ZDHHC21: variants seen among roughly 807,000 people sequenced by gnomAD.
The protein encoded by ZDHHC21 is palmitoyltransferase ZDHHC21.
Under a neutral mutation model 34.6 loss-of-function variants are expected in ZDHHC21, and 15 were observed. The observed-to-expected ratio is 0.43, with a 90% confidence interval of 0.29 to 0.67. The LOEUF is 0.67. Among genes scored for constraint, ZDHHC21 ranks in the 30% least tolerant of loss-of-function variants. ZDHHC21 has a pLI of 0.14. For synonymous variants in ZDHHC21, 142 were observed against 101.8 expected (o/e 1.40, Z -2.38); for missense variants, 344 against 327.7 (o/e 1.05, Z -0.38).
At chr9:14,685,476 G>C (rs1446762443) in intron 2 of ZDHHC21, among the ~76,000 whole-genome samples, 1 of 151,694 alleles carries the variant, frequency 6.6e-6, no homozygotes, top group Non-Finnish European at 1.5e-5. Context: ...CTGGCCATCA[G>C]AGAAATGCAA....
chr9:14,605,285 T>G, the ZDHHC21 span, among the ~76,000 whole-genome samples: 1 of 152,006 alleles, frequency 6.6e-6, no homozygotes, highest in African/African-American at 2.4e-5. Context: ...TTCCATACTG[T>G]TTTTCAAAAC....
At chr9:14,676,982 T>C (rs1374724715) in intron 3 of ZDHHC21, among the ~76,000 whole-genome samples, 2 of 152,012 alleles carry the variant, frequency 1.3e-5, no homozygotes, top group African/African-American at 2.4e-5. Flanking sequence ...GTAGCTTAAA[T>C]TTATTAACAT....
At chr9:14,602,534 C>T in the ZDHHC21 span, among the ~76,000 whole-genome samples, 1 of 151,514 alleles carries the variant, frequency 6.6e-6, no homozygotes, top group African/African-American at 2.4e-5. Flanking sequence ...ATGCACACAC[C>T]ATATAGTCAA....
rs1273070160 is a variant in ZDHHC21, at chr9:14,618,930, G to C, written c.*36C>G. The C allele has an allele frequency of 6.5e-7, 1 of 1,541,744 alleles. No homozygotes were observed. ...TCATAAAACCTGTAACGCATTGCCA[G>C]CATGGAGGACCCATCTGTGCCCACC... On this transcript the variant is annotated 3_prime_UTR_variant, in exon 10 of 10. Coordinates refer to ENST00000380916, the MANE Select transcript of ZDHHC21 (RefSeq NM_178566.6).
chr9:14,653,984 T>C (rs900476673), intron 7 of ZDHHC21, among the ~76,000 whole-genome samples: 7 of 152,022 alleles, frequency 4.6e-5, no homozygotes, highest in Non-Finnish European at 8.8e-5. Flanking sequence ...TCAGAGAAAG[T>C]AGACAGGCGT....
Position 14,613,272 on chromosome 9 carries a change from A to G in ZDHHC21, c.*5694T>C, listed in dbSNP as rs1823623948. 6.6e-6 allele frequency: 1 copy of G among 151,892 alleles called. No individual in the cohort carries two copies. The highest frequency in any genetic ancestry group is 2.4e-5 in the African/African-American group (1 of 41,436). 9.4% of individuals were successfully genotyped at this position (151,892 alleles called of 1,614,324 possible). On this transcript the variant is annotated 3_prime_UTR_variant, in exon 10 of 10. Coordinates refer to ENST00000380916, the MANE Select transcript of ZDHHC21 (RefSeq NM_178566.6). ...TTTATAAATACACAACGATGTGAGA[A>G]GAAAACTCAGTCAACCAAAAAGAAA...
At chr9:14,684,939 A>G (rs10961666) in intron 2 of ZDHHC21, among the ~76,000 whole-genome samples, 47,443 of 152,042 alleles carry the variant, frequency 0.31, 7,522 homozygotes, top group South Asian at 0.4. Context: ...TCTGACAAAA[A>G]CAAGCAATGG....
At chr9:14,630,909 T>C (rs1424276929) in intron 8 of ZDHHC21, among the ~76,000 whole-genome samples, 6 of 152,250 alleles carry the variant, frequency 3.9e-5, no homozygotes, top group African/African-American at 1.4e-4. Context: ...ACTTAGGCTT[T>C]GTTTTTCCAT....
In ZDHHC21 at chr9:14,619,045, C is replaced by G. The variant is rs199903674; in HGVS notation, c.719G>C (p.Arg240Pro). 3 of 1,612,258 alleles carry G rather than the reference C, an allele frequency of 1.9e-6. No homozygotes were observed. The highest frequency in any genetic ancestry group is 2.5e-6 in the Non-Finnish European group (3 of 1,179,038). ...AGGAATGAACCACAGGATCTTCCAA[C>G]GAGTGCCAAAAACTTCTGAGAAGGT... ...QQTFSEVFGTRWKILWFIPFR... is the reference protein window; with the variant it reads ...QQTFSEVFGTPWKILWFIPFR... The change falls in exon 10 of 10, where the codon CGT becomes CCT. Residue 240 changes from arginine (R) to proline (P), a missense_variant. Arg to Pro is a moderately radical substitution (Grantham distance 103). Coordinates refer to ENST00000380916, the MANE Select transcript of ZDHHC21 (RefSeq NM_178566.6).
chr9:14,623,594 C>T (rs1312447620), intron 8 of ZDHHC21, among the ~76,000 whole-genome samples: 2 of 146,348 alleles, frequency 1.4e-5, no homozygotes, highest in Non-Finnish European at 3.0e-5. Flanking sequence ...AACTATACAT[C>T]TGACAAGGGG....
chr9:14,658,496 G>T, intron 7 of ZDHHC21, among the ~76,000 whole-genome samples: 1 of 56,800 alleles, frequency 1.8e-5, no homozygotes, highest in Non-Finnish European at 3.3e-5. Flanking sequence ...TTTTTGAGAC[G>T]GAGTCTCGCT....
At chr9:14,689,946 A>G (rs1217854649) in intron 2 of ZDHHC21, among the ~76,000 whole-genome samples, 2 of 152,086 alleles carry the variant, frequency 1.3e-5, no homozygotes, top group Non-Finnish European at 2.9e-5. Flanking sequence ...AAGACCACCA[A>G]ATATTGTTTC....
At chr9:14,683,160 C>G (rs7847954) in intron 2 of ZDHHC21, among the ~76,000 whole-genome samples, 142,220 of 152,158 alleles carry the variant, frequency 0.93, 66,530 homozygotes, top group Non-Finnish European at 0.96. Flanking sequence ...TCAAAAGCTA[C>G]CAGAAGGCAA....
rs183969841 is a variant in ZDHHC21, at chr9:14,658,718, G to A, written c.504+31C>T. 3.1e-5 allele frequency: 50 copies of A among 1,601,038 alleles called. No homozygotes were observed. In the East Asian group the frequency reaches 3.6e-4, roughly 12 times the overall value. Reference sequence around the variant, plus strand: ...GATCTCCTGACCTCGTGATCCGCCCGCCTCGGCCTCCCAATATAAACATTT... The same window carrying A: ...GATCTCCTGACCTCGTGATCCGCCCACCTCGGCCTCCCAATATAAACATTT... On this transcript the variant is annotated intron_variant, in intron 7 of 9. Coordinates refer to ENST00000380916, the MANE Select transcript of ZDHHC21 (RefSeq NM_178566.6).
In ZDHHC21 at chr9:14,614,864, T is replaced by G. The variant is rs371883056; in HGVS notation, c.*4102A>C. 23 of 151,812 alleles carry G rather than the reference T, an allele frequency of 1.5e-4. No homozygotes were observed. The highest frequency in any genetic ancestry group is 4.6e-4 in the African/African-American group (19 of 41,532). The allele number at this position is 151,812 out of a possible 1,614,324, so 9.4% of individuals were successfully genotyped here. ...GTTTGTATGTGTGAATTTTATCAAA[T>G]AAATTCTAGATATATCTATGTATAT... On this transcript the variant is annotated 3_prime_UTR_variant, in exon 10 of 10. Transcript: ENST00000380916.
At position 14,658,820 on chromosome 9, in the gene ZDHHC21, G is replaced by T; in HGVS notation, c.433C>A (p.Leu145Ile). The change falls in exon 7 of 10, where the codon CTT (leucine) becomes ATT (isoleucine). Residue 145 changes from leucine (L) to isoleucine (I), a missense_variant. Physicochemically the swap from Leu to Ile is conservative, Grantham distance 5. Coordinates refer to ENST00000380916, the MANE Select transcript of ZDHHC21 (RefSeq NM_178566.6). ...FLQLCFYTEL[L>I]TCYALMFSFC... ...GAAAACATCAGTGCGTAGCAAGTAAGAAGTTCAGTGTAGAAACACAACTGC... is the reference window on the plus strand; with the variant it reads ...GAAAACATCAGTGCGTAGCAAGTAATAAGTTCAGTGTAGAAACACAACTGC... 3 of 1,613,770 alleles carry T rather than the reference G, an allele frequency of 1.9e-6. No individual in the cohort carries two copies. The highest frequency in any genetic ancestry group is 2.5e-6 in the Non-Finnish European group (3 of 1,179,882).
chr9:14,656,177 GACTA>G (rs1268876670), intron 7 of ZDHHC21, among the ~76,000 whole-genome samples: 4 of 151,804 alleles, frequency 2.6e-5, no homozygotes, highest in South Asian at 2.1e-4. Context: ...AATGTATATT[GACTA>G]ACTACTGAAC....
chr9:14,663,286 A>C (rs1833726882), intron 5 of ZDHHC21, among the ~76,000 whole-genome samples: 1 of 152,142 alleles, frequency 6.6e-6, no homozygotes, highest in Non-Finnish European at 1.5e-5. Flanking sequence ...TAACCTCATT[A>C]AAAGTATGGA....
chr9:14,676,223 G>A (rs767700052), intron 3 of ZDHHC21, among the ~76,000 whole-genome samples: 14 of 151,954 alleles, frequency 9.2e-5, no homozygotes, highest in Non-Finnish European at 1.6e-4. Context: ...TGCTAGAATC[G>A]AACCAGTGTG....
Sources: gnomAD v4.1 joint callset for allele counts (sites outside exome capture counted in the v4.1 genomes callset) on GRCh38, gnomAD v4.1.1 for gene constraint, MANE v1.5 for transcripts, NCBI Gene and HGNC (gene_info 2026-07-23, HGNC 2026-07-21) for gene names.